HYDIN: variants seen among roughly 807,000 people sequenced by gnomAD.
HYDIN encodes the protein HYDIN axonemal central pair apparatus protein, also known as axonemal central pair apparatus protein HYDIN.
Under a neutral mutation model 403.9 loss-of-function variants are expected in HYDIN, and 132 were observed. That is an observed-to-expected ratio of 0.33 (90% CI 0.28 to 0.38). The LOEUF is 0.38. HYDIN is among the 10% of genes least tolerant of loss of function. The pLI, the probability that HYDIN is intolerant of heterozygous loss-of-function variation, is 1.00. For missense variants in HYDIN, 2,827 were observed against 5,009.5 expected (o/e 0.56, Z 13.15); for synonymous variants, 1,202 against 1,891.7 (o/e 0.64, Z 9.46).
chr16:71,002,740 C>A (rs1267111436), intron 23 of HYDIN, among the ~76,000 whole-genome samples: 3 of 149,488 alleles, frequency 2.0e-5, no homozygotes, highest in Non-Finnish European at 4.4e-5. Context: ...TGCAGTGACA[C>A]AATCTCGGCT....
intron 57 of HYDIN, among the ~76,000 whole-genome samples, chr16:70,889,989 C>T (rs1225480860): frequency 1.3e-5 from 2 of 152,228 alleles, no homozygotes; most frequent in Non-Finnish European, 2.9e-5. Context: ...TACTTGAGTT[C>T]ACTGGAAAGC....
At chr16:71,201,244 C>G (rs1302654084) in intron 1 of HYDIN, among the ~76,000 whole-genome samples, 1 of 152,158 alleles carries the variant, frequency 6.6e-6, no homozygotes, top group Admixed American at 6.5e-5. Context: ...TTGTTCATTG[C>G]TGTTATACAT....
At chr16:71,193,429 T>C (rs996982151) in intron 1 of HYDIN, among the ~76,000 whole-genome samples, 2 of 152,144 alleles carry the variant, frequency 1.3e-5, no homozygotes, top group African/African-American at 4.8e-5. Context: ...GTTAGACAAA[T>C]ATATTCTCAG....
At chr16:71,022,303 G>A (rs1286324813) in intron 21 of HYDIN, among the ~76,000 whole-genome samples, 1 of 152,188 alleles carries the variant, frequency 6.6e-6, no homozygotes, top group Non-Finnish European at 1.5e-5. Context: ...TTCTCTTTGA[G>A]TTGTTCGTCT....
intron 23 of HYDIN, among the ~76,000 whole-genome samples, chr16:70,996,898 A>G (rs1248054760): frequency 6.6e-6 from 1 of 151,634 alleles, no homozygotes; most frequent in African/African-American, 2.4e-5. Flanking sequence ...CAAGCACATT[A>G]CACTTATTGT....
At chr16:71,220,308 T>C (rs1201514933) in intron 1 of HYDIN, among the ~76,000 whole-genome samples, 1 of 152,214 alleles carries the variant, frequency 6.6e-6, no homozygotes, top group African/African-American at 2.4e-5. Context: ...TACTAAGGGG[T>C]AATAACTTCC....
At chr16:70,970,887 A>C (rs1228100781) in intron 35 of HYDIN, 128 bp from the exon 36 acceptor site, 50 of 801,142 alleles carry the variant, frequency 6.2e-5, no homozygotes, top group Non-Finnish European at 9.7e-5. Context: ...ATAAAATTGC[A>C]TAAGAGTAAT....
chr16:70,967,528 C>T (rs1215999822), intron 36 of HYDIN, among the ~76,000 whole-genome samples: 2 of 152,072 alleles, frequency 1.3e-5, no homozygotes, highest in Admixed American at 6.5e-5. Flanking sequence ...GTCGCCCAGG[C>T]TGGAGTGCAG....
rs1046576176 is a variant in HYDIN at position 70,807,853 on chromosome 16, C to T, written c.15093G>A (p.Ser5031=). ...ALPPKPQGPF[S]IRAGYSIIIP... is the part of the protein sequence containing the mutation. ...TGATTATGCTGTACCCGGCTCGGAT[C>T]GAGAAGGGACCTTGGGGCTTGGGAG... Residue 5031 remains serine, a synonymous_variant, in exon 86 of 86, where the codon TCG becomes TCA. Transcript: ENST00000393567. 5.6e-6 allele frequency: 9 copies of T among 1,614,068 alleles called. No individual in the cohort carries two copies. Among genetic ancestry groups the T allele is most frequent in the East Asian group, 4.5e-5 (2 of 44,874 alleles).
chr16:70,817,793 G>A (rs1348036470), intron 84 of HYDIN, among the ~76,000 whole-genome samples: 1 of 151,906 alleles, frequency 6.6e-6, no homozygotes, highest in Non-Finnish European at 1.5e-5. Flanking sequence ...CCAGGCTGCA[G>A]TGCAGTGGCA....
At chr16:71,034,452 T>C (rs1461665239) in intron 18 of HYDIN, among the ~76,000 whole-genome samples, 1 of 152,020 alleles carries the variant, frequency 6.6e-6, no homozygotes, top group Non-Finnish European at 1.5e-5. Flanking sequence ...TGCCTTGGAA[T>C]GTCACCAAAA....
chr16:71,018,839 T>G (rs2080360206), intron 22 of HYDIN, among the ~76,000 whole-genome samples: 1 of 152,012 alleles, frequency 6.6e-6, no homozygotes, highest in African/African-American at 2.4e-5. Context: ...AAAAATAAAT[T>G]TCGTTGTGAA....
chr16:70,956,648 G>A (rs1466853393), intron 39 of HYDIN, among the ~76,000 whole-genome samples: 7 of 152,184 alleles, frequency 4.6e-5, no homozygotes, highest in East Asian at 1.9e-4. Flanking sequence ...TGATGGCTGG[G>A]AAGGAGGAAG....
At chr16:71,129,614 T>A (rs1257231951) in intron 9 of HYDIN, 26 bp downstream of exon 9, 1 of 1,568,214 alleles carries the variant, frequency 6.4e-7, no homozygotes, top group Admixed American at 1.9e-5. Context: ...ATTTCCTGTA[T>A]GGTCAGCTTT....
At chr16:70,826,285 GA>G (rs1177590616) in intron 83 of HYDIN, among the ~76,000 whole-genome samples, 3 of 144,296 alleles carry the variant, frequency 2.1e-5, no homozygotes, top group Non-Finnish European at 4.5e-5. Flanking sequence ...AAGGTCTGGT[GA>G]TATTACTCAG....
At chr16:71,129,505 T>C (rs1288076153) in intron 9 of HYDIN, 135 bp downstream of exon 9, 2 of 682,960 alleles carry the variant, frequency 2.9e-6, no homozygotes, top group East Asian at 5.4e-5. Context: ...CTCACAGTGA[T>C]GGTGAGTTTC....
At chr16:71,170,651 A>G (rs1255864814) in intron 5 of HYDIN, among the ~76,000 whole-genome samples, 1 of 152,168 alleles carries the variant, frequency 6.6e-6, no homozygotes, top group Non-Finnish European at 1.5e-5. Flanking sequence ...TTAAAAACCA[A>G]CTTCTTAAAG....
intron 38 of HYDIN, among the ~76,000 whole-genome samples, chr16:70,961,526 T>G (rs1483754066): frequency 2.0e-5 from 3 of 152,166 alleles, no homozygotes; most frequent in African/African-American, 7.2e-5. Flanking sequence ...GGTTCCAACA[T>G]CTTGCAAAAC....
chr16:70,851,130 G>T (rs1449697904), intron 73 of HYDIN, among the ~76,000 whole-genome samples: 5 of 122,252 alleles, frequency 4.1e-5, no homozygotes, highest in Admixed American at 1.1e-4. Context: ...CCTTGGAAAA[G>T]AATTTATGAC....
Sources: allele counts gnomAD v4.1 joint callset (sites outside exome capture counted in the v4.1 genomes callset), GRCh38; gene constraint gnomAD v4.1.1; transcripts MANE v1.5; gene names NCBI Gene and HGNC (gene_info 2026-07-23, HGNC 2026-07-21).